FRY: variants seen among roughly 807,000 people sequenced by gnomAD.
The protein encoded by FRY is protein furry homolog.
Under a neutral mutation model 348.4 loss-of-function variants are expected in FRY, and 128 were observed. That is an observed-to-expected ratio of 0.37 (90% CI 0.32 to 0.43). The LOEUF (loss-of-function observed/expected upper bound fraction) is 0.43, where lower values mean the gene tolerates loss of function less well. Ranked by LOEUF, FRY falls within the 20% of genes least tolerant of loss-of-function variation. The probability of loss-of-function intolerance (pLI) is 1.00; values close to 1 mark genes in which losing one functional copy is unlikely to be tolerated. For synonymous variants in FRY, 1,370 were observed against 1,374.7 expected (o/e 1.00, Z 0.08); for missense variants, 2,736 against 3,695.2 (o/e 0.74, Z 6.73).
intron 1 of FRY, among the ~76,000 whole-genome samples, chr13:32,048,183 T>C (rs929687496): frequency 1.3e-5 from 2 of 152,194 alleles, no homozygotes; most frequent in Admixed American, 1.3e-4. Flanking sequence ...TAAAATCTCT[T>C]GAGTGGGTGT....
chr13:32,032,909 A>G (rs1248830108), intron 1 of FRY, among the ~76,000 whole-genome samples: 2 of 152,226 alleles, frequency 1.3e-5, no homozygotes, highest in Non-Finnish European at 2.9e-5. Context: ...TGTCTCCTAC[A>G]CAAATGACCT....
chr13:32,144,557 G>C (rs556330470), intron 11 of FRY, among the ~76,000 whole-genome samples: 8 of 152,054 alleles, frequency 5.3e-5, no homozygotes, highest in Admixed American at 5.2e-4. Context: ...ACAGTTTAAA[G>C]ATAAACTTTA....
At chr13:32,199,486 G>T (rs1239923776) in intron 29 of FRY, among the ~76,000 whole-genome samples, 2 of 152,150 alleles carry the variant, frequency 1.3e-5, no homozygotes, top group African/African-American at 4.8e-5. Flanking sequence ...GGAGTATTTT[G>T]ATGCAAATGT....
chr13:32,039,035 A>G (rs1292566854), intron 1 of FRY, among the ~76,000 whole-genome samples: 2 of 152,206 alleles, frequency 1.3e-5, no homozygotes, highest in Non-Finnish European at 2.9e-5. Flanking sequence ...AGGGAGAGGT[A>G]TCCAATGATG....
At chr13:32,158,314 C>T (rs1209609319) in intron 16 of FRY, among the ~76,000 whole-genome samples, 4 of 152,312 alleles carry the variant, frequency 2.6e-5, no homozygotes, top group East Asian at 3.9e-4. Context: ...CCAGACCTTT[C>T]CTTATGTCAA....
rs1246801122 is a variant in FRY, at chr13:32,244,129, C to T, written c.6775C>T (p.Pro2259Ser). Residue 2259 changes from proline (P) to serine (S), a missense_variant, in exon 47 of 61, where the codon CCT becomes TCT. Physicochemically the swap from Pro to Ser is moderately conservative, Grantham distance 74 (BLOSUM62 -1). This residue lies in a region of FRY where 789 missense variants were observed against 996.2 expected (regional missense o/e 0.79). Transcript: ENST00000542859. ...CAGCTACATGGACCTTTCTGTCGTT[C>T]CTGTCAAACAGTTCAATGTGGAAGT... ...LLSYMDLSVV[P>S]VKQFNVEVLK... 1 of 1,613,694 alleles carries T rather than the reference C, an allele frequency of 6.2e-7. No homozygotes were observed. The highest frequency in any genetic ancestry group is 1.3e-5 in the African/African-American group (1 of 74,894).
intron 11 of FRY, among the ~76,000 whole-genome samples, chr13:32,143,967 T>A (rs1465115160): frequency 6.6e-6 from 1 of 152,190 alleles, no homozygotes; most frequent in African/African-American, 2.4e-5. Flanking sequence ...ACACAGCTAA[T>A]AAATTATAAG....
intron 60 of FRY, 134 bp downstream of exon 60, chr13:32,294,704 A>C: frequency 1.4e-6 from 1 of 725,904 alleles, no homozygotes; most frequent in Non-Finnish European, 2.4e-6. Flanking sequence ...TACTGCTGCC[A>C]AACCAGAAAC....
At chr13:32,094,729 A>C (rs1229259316) in intron 2 of FRY, among the ~76,000 whole-genome samples, 1 of 152,186 alleles carries the variant, frequency 6.6e-6, no homozygotes, top group African/African-American at 2.4e-5. Flanking sequence ...CATCGTGTAT[A>C]TGTGTCACAT....
chr13:32,286,286 C>T (rs1566196146), intron 58 of FRY, among the ~76,000 whole-genome samples: 1 of 152,044 alleles, frequency 6.6e-6, no homozygotes, highest in East Asian at 1.9e-4. Context: ...GGATTAGAAA[C>T]TGTTAGGTCC....
chr13:32,031,979 TTTTTCTTTTC>T (rs769265694), intron 1 of FRY, 114 bp downstream of exon 1: 20 of 644,512 alleles, frequency 3.1e-5, no homozygotes, highest in Non-Finnish European at 5.3e-5. Context: ...AGTTTTTCTT[TTTTTCTTTTC>T]TTTTCTTTTC....
intron 24 of FRY, 116 bp downstream of exon 24, chr13:32,183,150 G>T: frequency 1.6e-6 from 1 of 619,998 alleles, no homozygotes; most frequent in Non-Finnish European, 2.9e-6. Flanking sequence ...TTTAACAAAT[G>T]AATCTTTATA....
Position 32,144,866 on chromosome 13 carries a change from T to C in FRY, c.1180-2416T>C, listed in dbSNP as rs374414644. 2.8e-4 allele frequency among the ~76,000 whole-genome samples: 43 copies of C among 151,506 alleles called. 1 individual carries two copies. Among genetic ancestry groups the C allele is most frequent in the African/African-American group, 1.0e-3 (43 of 41,198 alleles). On this transcript the variant is annotated intron_variant, in intron 11 of 60. Transcript: ENST00000542859. ...ACAAGATCTCCCCATAGGTAAGGAGTGGAAGGGCTATGCTAGATGTATGTG... is the reference window on the plus strand; with the variant it reads ...ACAAGATCTCCCCATAGGTAAGGAGCGGAAGGGCTATGCTAGATGTATGTG...
intron 1 of FRY, among the ~76,000 whole-genome samples, chr13:32,032,784 G>C (rs1489487412): frequency 6.6e-6 from 1 of 152,150 alleles, no homozygotes; most frequent in African/African-American, 2.4e-5. Context: ...AGATCAGCAG[G>C]TATTACTGAT....
chr13:32,209,039 G>A lies in FRY; in HGVS notation c.4205G>A (p.Arg1402Lys). Residue 1402 changes from arginine (R) to lysine (K), a missense_variant, in exon 32 of 61, where the codon AGA (arginine) becomes AAA (lysine). By Grantham distance (26) the Arg-to-Lys change is conservative. Around this residue, in one of 9 missense-constraint regions of FRY, gnomAD observed 794 missense variants for 977.0 expected, o/e 0.81. Transcript: ENST00000542859. ...EGDVTASHGL[R>K]GNGWGSPEAT... is the part of the protein sequence containing the mutation. ...GACGTGACTGCTTCTCACGGGCTGA[G>A]AGGAAATGGCTGGGGCTCTCCAGAA... 2 of 1,614,184 alleles carry A rather than the reference G, an allele frequency of 1.2e-6. No individual in the cohort carries two copies. The highest frequency in any genetic ancestry group is 1.3e-5 in the African/African-American group (1 of 75,064).
intron 3 of FRY, among the ~76,000 whole-genome samples, chr13:32,104,543 T>C (rs1877410760): frequency 6.6e-6 from 1 of 152,190 alleles, no homozygotes; most frequent in Admixed American, 6.5e-5. Flanking sequence ...TTCAAATAGG[T>C]CACATAGGAT....
At chr13:32,284,319 TATGA>T (rs1888948830) in intron 58 of FRY, among the ~76,000 whole-genome samples, 1 of 152,248 alleles carries the variant, frequency 6.6e-6, no homozygotes, top group Admixed American at 6.5e-5. Flanking sequence ...CTACATAATC[TATGA>T]ATGAGAAGCC....
chr13:32,231,444 T>G, intron 41 of FRY, 144 bp downstream of exon 41: 1 of 800,628 alleles, frequency 1.2e-6, no homozygotes, highest in Non-Finnish European at 2.2e-6. Flanking sequence ...TTCTGAAGCT[T>G]GTTCAGATGC....
chr13:32,215,849 T>G (rs1884961646), intron 35 of FRY, among the ~76,000 whole-genome samples: 1 of 152,194 alleles, frequency 6.6e-6, no homozygotes, highest in Admixed American at 6.5e-5. Context: ...GGATTACAGG[T>G]ATGAGTGACT....
Sources: allele counts gnomAD v4.1 joint callset (sites outside exome capture counted in the v4.1 genomes callset), GRCh38; gene constraint gnomAD v4.1.1; regional missense constraint gnomAD v4.1.1; transcripts MANE v1.5; gene names NCBI Gene and HGNC (gene_info 2026-07-23, HGNC 2026-07-21).